PCDHGA7: variants seen among roughly 807,000 people sequenced by gnomAD.
The protein encoded by PCDHGA7 is protocadherin gamma-A7.
In PCDHGA7, 44 loss-of-function variants were observed where a neutral mutation model predicts 58.3. That is an observed-to-expected ratio of 0.75 (90% CI 0.59 to 0.97). The LOEUF (loss-of-function observed/expected upper bound fraction) is 0.97. Among genes scored for constraint, PCDHGA7 ranks in the 50% least tolerant of loss-of-function variants. The pLI is 0.00. For synonymous variants in PCDHGA7, 516 were observed against 504.2 expected (o/e 1.02, Z -0.31); for missense variants, 1,266 against 1,188.7 (o/e 1.06, Z -0.96).
rs1409012917 is a variant in PCDHGA7 at position 141,512,928 on chromosome 5, T to A, written c.*1755T>A. On this transcript the variant is annotated 3_prime_UTR_variant, in exon 4 of 4. Transcript: ENST00000518325. ...CAAGTTTTATACTCTAATATTTATA[T>A]GGCTTTTTTTCTTCGACAAAAAAAT... is the stretch of plus-strand genomic sequence containing the variant. 1.3e-5 allele frequency: 2 copies of A among 152,190 alleles called. No individual in the cohort carries two copies. Among genetic ancestry groups the A allele is most frequent in the Non-Finnish European group, 2.9e-5 (2 of 68,044 alleles). The allele number at this position is 152,190 out of a possible 1,614,324, so 9.4% of individuals were successfully genotyped here.
intron 1 of PCDHGA7, chr5:141,403,162 T>C (rs745617954): frequency 9.3e-6 from 15 of 1,613,862 alleles, no homozygotes; most frequent in African/African-American, 2.7e-5. Flanking sequence ...TCTCTAGAGG[T>C]AGGACGCAGC....
At chr5:141,427,570 C>A in intron 1 of PCDHGA7, 1 of 662,270 alleles carries the variant, frequency 1.5e-6, no homozygotes, top group Non-Finnish European at 2.8e-6. Flanking sequence ...GGCAAGCCTC[C>A]GCTCTCATCC....
chr5:141,404,463 A>G lies in PCDHGA7; in HGVS notation c.2424+19140A>G, dbSNP rs969137248. 10 of 1,612,548 alleles carry G rather than the reference A, an allele frequency of 6.2e-6. No homozygotes were observed. In the South Asian group the frequency reaches 9.9e-5, roughly 16 times the overall value. ...ATCCAAGGGTCTCCTCTCTCCACCTATGTCTCTATTAACTCAGACACTGGT... is the reference window on the plus strand; with the variant it reads ...ATCCAAGGGTCTCCTCTCTCCACCTGTGTCTCTATTAACTCAGACACTGGT... On this transcript the variant is annotated intron_variant, in intron 1 of 3. Transcript: ENST00000518325.
intron 1 of PCDHGA7, among the ~76,000 whole-genome samples, chr5:141,406,298 T>G (rs2154537368): frequency 6.6e-6 from 1 of 152,178 alleles, no homozygotes; most frequent in East Asian, 1.9e-4. Flanking sequence ...GGGTGAGGTG[T>G]GAACCACCTC....
chr5:141,487,709 A>G lies in PCDHGA7; in HGVS notation c.2425-7098A>G. On this transcript the variant is annotated intron_variant, in intron 1 of 3. Coordinates refer to ENST00000518325, the MANE Select transcript of PCDHGA7 (RefSeq NM_018920.4). This position sits in a 1 kb window ranked among gnomAD's most constrained non-coding sequence, Gnocchi z 5.0. ...CCTAGAGAGTACTGGCCTCTCAGTA[A>G]GTGCCCATAGTGATGTCACCATTTT... is the stretch of plus-strand genomic sequence containing the variant. 6.3e-7 allele frequency: 1 copy of G among 1,586,184 alleles called. No individual in the cohort carries two copies. Among genetic ancestry groups the G allele is most frequent in the South Asian group, 1.1e-5 (1 of 87,958 alleles).
chr5:141,386,913 A>T lies in PCDHGA7; in HGVS notation c.2424+1590A>T, dbSNP rs575520734. On this transcript the variant is annotated intron_variant, in intron 1 of 3. Coordinates refer to ENST00000518325, the MANE Select transcript of PCDHGA7 (RefSeq NM_018920.4). ...TCCTTCAATTCAGAGGTCACCAAGG[A>T]ATGTAAAATAAGTGCAGAGGTAGGA... Among the ~76,000 whole-genome samples the T allele has an allele frequency of 1.0e-3, 156 of 152,358 alleles. 1 individual carries two copies. The Middle Eastern group carries it at 0.017, about 17-fold the overall frequency.
intron 1 of PCDHGA7, chr5:141,423,556 G>A (rs926962652): frequency 2.5e-6 from 4 of 1,613,550 alleles, no homozygotes; most frequent in African/African-American, 2.7e-5. Flanking sequence ...GCCCAACTAT[G>A]GGGACACGCT....
At chr5:141,449,101 G>T (rs1020443363) in intron 1 of PCDHGA7, among the ~76,000 whole-genome samples, 3 of 152,144 alleles carry the variant, frequency 2.0e-5, no homozygotes, top group Non-Finnish European at 4.4e-5. Flanking sequence ...TACATATGCA[G>T]TATATCTTTG....
intron 1 of PCDHGA7, among the ~76,000 whole-genome samples, chr5:141,450,487 G>A (rs1379694010): frequency 1.3e-5 from 2 of 151,938 alleles, no homozygotes; most frequent in African/African-American, 2.4e-5. Context: ...TTGTTTGTTT[G>A]TCTGTTTGTT....
At chr5:141,457,573 C>T (rs934685938) in intron 1 of PCDHGA7, among the ~76,000 whole-genome samples, 3 of 152,206 alleles carry the variant, frequency 2.0e-5, no homozygotes, top group Non-Finnish European at 4.4e-5. Flanking sequence ...CAAAATTTTT[C>T]TCTCCAGTCC....
chr5:141,388,474 A>G, intron 1 of PCDHGA7: 1 of 1,613,850 alleles, frequency 6.2e-7, no homozygotes, highest in Non-Finnish European at 8.5e-7. Flanking sequence ...ATGGTATTGA[A>G]GACACCTTTG....
intron 1 of PCDHGA7, among the ~76,000 whole-genome samples, chr5:141,455,423 CA>C (rs2098822271): frequency 6.6e-6 from 1 of 152,040 alleles, no homozygotes; most frequent in Non-Finnish European, 1.5e-5. Flanking sequence ...AGCGGGGCTC[CA>C]AAAGAGGAGG....
chr5:141,425,585 A>T (rs1270579511), intron 1 of PCDHGA7, among the ~76,000 whole-genome samples: 1 of 152,252 alleles, frequency 6.6e-6, no homozygotes, highest in Non-Finnish European at 1.5e-5. Context: ...GGCTAACTTT[A>T]TTCTGAATAT....
At position 141,512,881 on chromosome 5, in the gene PCDHGA7, C is replaced by T. The variant is rs1274589284; in HGVS notation, c.*1708C>T. 1.3e-5 allele frequency: 2 copies of T among 152,268 alleles called. No homozygotes were observed. Among genetic ancestry groups the T allele is most frequent in the African/African-American group, 4.8e-5 (2 of 41,458 alleles). 9.4% of individuals were successfully genotyped at this position (152,268 alleles called of 1,614,324 possible). On this transcript the variant is annotated 3_prime_UTR_variant, in exon 4 of 4. Coordinates refer to ENST00000518325, the MANE Select transcript of PCDHGA7 (RefSeq NM_018920.4). Reference sequence around the variant, plus strand: ...TCGCATAGTCACGTAGCTCCCACCCCACCCTCTTCCTGTGTCTCACGCAAG... The same window carrying T: ...TCGCATAGTCACGTAGCTCCCACCCTACCCTCTTCCTGTGTCTCACGCAAG...
intron 1 of PCDHGA7, chr5:141,399,646 AGT>A: frequency 6.2e-7 from 1 of 1,613,790 alleles, no homozygotes; most frequent in African/African-American, 1.3e-5. Context: ...GAGCGCGCAA[AGT>A]GGGGTGGTGT....
chr5:141,383,570 G>C lies in PCDHGA7; in HGVS notation c.671G>C (p.Ser224Thr), dbSNP rs1312215313. 1 of 1,613,234 alleles carries C rather than the reference G, an allele frequency of 6.2e-7. No homozygotes were observed. Among genetic ancestry groups the C allele is most frequent in the South Asian group, 1.1e-5 (1 of 91,028 alleles). Residue 224 changes from serine to threonine, a missense_variant, in exon 1 of 4, where the codon AGC becomes ACC. Ser to Thr is a moderately conservative substitution (Grantham distance 58, BLOSUM62 1). Coordinates refer to ENST00000518325, the MANE Select transcript of PCDHGA7 (RefSeq NM_018920.4). Reference protein sequence around the residue: ...ASDGGDPPRSSTAHIQVTVVD... With the variant: ...ASDGGDPPRSTTAHIQVTVVD... Reference sequence around the variant, plus strand: ...GATGGCGGCGACCCGCCCCGATCCAGCACCGCCCACATCCAGGTGACAGTG... The same window carrying C: ...GATGGCGGCGACCCGCCCCGATCCACCACCGCCCACATCCAGGTGACAGTG...
chr5:141,466,375 C>A (rs2099121518), intron 1 of PCDHGA7, among the ~76,000 whole-genome samples: 1 of 152,042 alleles, frequency 6.6e-6, no homozygotes, highest in Non-Finnish European at 1.5e-5. Context: ...GGTTTTGGCA[C>A]CCATCTAATG....
chr5:141,450,838 T>A (rs2098698352), intron 1 of PCDHGA7, among the ~76,000 whole-genome samples: 1 of 149,278 alleles, frequency 6.7e-6, no homozygotes, highest in African/African-American at 2.5e-5. Flanking sequence ...TATTTTTTTT[T>A]TTTTGAGATG....
At position 141,467,151 on chromosome 5, in the gene PCDHGA7, C is replaced by T. The variant is rs527879624; in HGVS notation, c.2425-27656C>T. ...CACTGCAACCTCTGCCTCCCAGGTT[C>T]AAGTGATTCTCATCTCTCAGCCTCC... is the stretch of plus-strand genomic sequence containing the variant. On this transcript the variant is annotated intron_variant, in intron 1 of 3. Transcript: ENST00000518325. Among the ~76,000 whole-genome samples the T allele has an allele frequency of 4.0e-5, 6 of 151,660 alleles. No homozygotes were observed. In the East Asian group the frequency reaches 7.8e-4, roughly 20 times the overall value.
Sources: allele counts gnomAD v4.1 joint callset (sites outside exome capture counted in the v4.1 genomes callset), GRCh38; gene constraint gnomAD v4.1.1; non-coding constraint Gnocchi (gnomAD v3.1); transcripts MANE v1.5; gene names NCBI Gene and HGNC (gene_info 2026-07-23, HGNC 2026-07-21).